Variants in FGF13 observed in about 807,000 individuals in gnomAD.
FGF13 encodes the protein fibroblast growth factor 13.
In FGF13, 2 loss-of-function variants were observed where a neutral mutation model predicts 19.5. The observed-to-expected ratio is 0.10, with a 90% CI of 0.04 to 0.32. The LOEUF is 0.32. Among genes scored for constraint, FGF13 ranks in the 10% least tolerant of loss-of-function variants. The pLI is 1.00. For missense variants in FGF13, 113 were observed against 192.7 expected (o/e 0.59, Z 2.45); for synonymous variants, 72 against 76.9 (o/e 0.94, Z 0.33).
At chrX:139,057,042 C>T (rs1289330326) in intron 1 of FGF13, among the ~76,000 whole-genome samples, 1 of 111,546 alleles carries the variant, frequency 9.0e-6, no homozygotes, top group Non-Finnish European at 1.9e-5. Flanking sequence ...ATGTCCATTC[C>T]CTTCCCTGAG....
intron 3 of FGF13, among the ~76,000 whole-genome samples, chrX:138,766,056 C>A (rs1352808796): frequency 8.9e-6 from 1 of 112,159 alleles, no homozygotes; most frequent in Non-Finnish European, 1.9e-5. Context: ...ACTCCATCCT[C>A]CATGTCTACA....
chrX:138,617,350 T>C lies in FGF13; in HGVS notation c.*15500A>G, dbSNP rs1305150672. The C allele has an allele frequency of 2.7e-5, 3 of 111,806 alleles. No homozygotes were observed. Among genetic ancestry groups the C allele is most frequent in the Non-Finnish European group, 5.6e-5 (3 of 53,191 alleles). The allele number at this position is 111,806 out of a possible 1,213,427, so 9.2% of individuals were successfully genotyped here. A position where few individuals can be genotyped will look rare whatever the true frequency, so the allele number is the denominator to read the frequency against. ...TGCAAAAAAATAATTATTTTATAGA[T>C]AAGAGCATTAATTGATGGATATATT... On this transcript the variant is annotated 3_prime_UTR_variant, in exon 5 of 5. Transcript: ENST00000315930.
chrX:139,020,343 T>A (rs2124382812), intron 1 of FGF13, among the ~76,000 whole-genome samples: 1 of 111,449 alleles, frequency 9.0e-6, no homozygotes, highest in East Asian at 2.9e-4. Context: ...CTTATCAATG[T>A]GGCAGCAACA....
intron 1 of FGF13, among the ~76,000 whole-genome samples, chrX:139,164,020 A>G (rs1464186626): frequency 1.8e-5 from 2 of 111,071 alleles, no homozygotes; most frequent in African/African-American, 3.3e-5. Flanking sequence ...ATTTATGACA[A>G]CGTTAAGGTG....
intron 1 of FGF13, among the ~76,000 whole-genome samples, chrX:139,157,727 G>A (rs762555220): frequency 8.8e-6 from 1 of 113,164 alleles, no homozygotes; most frequent in Admixed American, 9.3e-5. Flanking sequence ...AAGTGGTGTT[G>A]TTGCCACAAC....
intron 3 of FGF13, among the ~76,000 whole-genome samples, chrX:138,821,042 C>A (rs960457959): frequency 3.6e-5 from 4 of 111,119 alleles, no homozygotes; most frequent in African/African-American, 1.3e-4. Flanking sequence ...AATTATGTGA[C>A]CAGATATGTG....
chrX:139,190,393 A>G (rs2084316505), intron 1 of FGF13, among the ~76,000 whole-genome samples: 1 of 111,858 alleles, frequency 8.9e-6, no homozygotes, highest in South Asian at 3.6e-4. Flanking sequence ...AAAAAAAAAC[A>G]GAAAAATACC....
chrX:138,755,987 T>G (rs1381695721), intron 3 of FGF13, among the ~76,000 whole-genome samples: 1 of 111,644 alleles, frequency 9.0e-6, no homozygotes, highest in Non-Finnish European at 1.9e-5. Flanking sequence ...AAGAAGATAT[T>G]AGGACATACA....
Position 139,161,013 on chromosome X carries a change from G to A in FGF13, c.-113+42403C>T, listed in dbSNP as rs755741323. ...CATTTTATGAGGCCAGCATCATCCTGCTACCAAAACCTGGCAGAGACACAA... is the reference window on the plus strand; with the variant it reads ...CATTTTATGAGGCCAGCATCATCCTACTACCAAAACCTGGCAGAGACACAA... On this transcript the variant is annotated intron_variant, in intron 1 of 2. Coordinates refer to the FGF13 transcript ENST00000421460. 3.6e-5 allele frequency among the ~76,000 whole-genome samples: 4 copies of A among 111,825 alleles called. No individual in the cohort carries two copies. In the East Asian group the frequency reaches 1.1e-3, roughly 31 times the overall value.
chrX:139,088,244 G>A (rs1023282552), intron 1 of FGF13, among the ~76,000 whole-genome samples: 5 of 111,970 alleles, frequency 4.5e-5, no homozygotes, highest in Non-Finnish European at 3.8e-5. Flanking sequence ...CATCTTAGCA[G>A]TGAAACCCTA....
intron 1 of FGF13, among the ~76,000 whole-genome samples, chrX:138,953,952 GAAAC>G (rs965333712): frequency 1.8e-5 from 2 of 111,247 alleles, no homozygotes; most frequent in African/African-American, 6.5e-5. Context: ...TTGACTTAAA[GAAAC>G]AAAGAGAAAC....
intron 1 of FGF13, among the ~76,000 whole-genome samples, chrX:138,981,817 C>T (rs987538444): frequency 9.0e-6 from 1 of 111,441 alleles, no homozygotes; most frequent in Non-Finnish European, 1.9e-5. Flanking sequence ...ATTTCTCTCT[C>T]TCTCCCACAT....
chrX:138,634,798 C>T (rs1165933731), intron 4 of FGF13, among the ~76,000 whole-genome samples: 3 of 111,630 alleles, frequency 2.7e-5, no homozygotes, highest in South Asian at 7.5e-4. Context: ...ACACTGCTGG[C>T]GAGAATGTAA....
intron 1 of FGF13, among the ~76,000 whole-genome samples, chrX:139,045,548 C>T (rs948571077): frequency 1.8e-5 from 2 of 112,664 alleles, no homozygotes; most frequent in Non-Finnish European, 3.7e-5. Flanking sequence ...TTTAAACATA[C>T]GTTCTAACTT....
chrX:138,643,177 T>G (rs1330463063), intron 3 of FGF13, among the ~76,000 whole-genome samples: 2 of 112,037 alleles, frequency 1.8e-5, no homozygotes, highest in Non-Finnish European at 3.8e-5. Context: ...ATGACCATAT[T>G]TCAGCCCTGG....
intron 1 of FGF13, among the ~76,000 whole-genome samples, chrX:138,931,691 AG>A (rs2091702251): frequency 9.0e-6 from 1 of 111,707 alleles, no homozygotes; most frequent in Admixed American, 9.5e-5. Flanking sequence ...CGTATACAAA[AG>A]CCTGTGTATT....
At chrX:138,995,157 T>A (rs990817221) in intron 1 of FGF13, among the ~76,000 whole-genome samples, 1 of 111,292 alleles carries the variant, frequency 9.0e-6, no homozygotes, top group African/African-American at 3.3e-5. Flanking sequence ...AGAGAATCTG[T>A]GCACTTGGGA....
At chrX:138,760,520 G>A (rs2090459927) in intron 3 of FGF13, among the ~76,000 whole-genome samples, 1 of 111,800 alleles carries the variant, frequency 8.9e-6, no homozygotes, top group Non-Finnish European at 1.9e-5. Flanking sequence ...AAGGTGGGCA[G>A]GGGAGGGTGT....
chrX:139,084,083 A>C (rs2083388510), intron 1 of FGF13, among the ~76,000 whole-genome samples: 1 of 109,628 alleles, frequency 9.1e-6, no homozygotes, highest in African/African-American at 3.3e-5. Flanking sequence ...GAAGGATCAA[A>C]TGAGATAATG....
Sources: allele counts gnomAD v4.1 joint callset (sites outside exome capture counted in the v4.1 genomes callset), GRCh38; gene constraint gnomAD v4.1.1; transcripts MANE v1.5; gene names NCBI Gene and HGNC (gene_info 2026-07-23, HGNC 2026-07-21).